MAST3: variants seen among roughly 807,000 people sequenced by gnomAD.
The protein encoded by MAST3 is microtubule-associated serine/threonine-protein kinase 3.
Under a neutral mutation model 127.0 loss-of-function variants are expected in MAST3, and 43 were observed. The ratio of observed to expected loss-of-function variants is 0.34; its 90% CI spans 0.27 to 0.44. The LOEUF is 0.44. Ranked by LOEUF, MAST3 falls within the 20% of genes least tolerant of loss-of-function variation. The pLI, the probability that MAST3 is intolerant of heterozygous loss-of-function variation, is 1.00. For synonymous variants in MAST3, 785 were observed against 809.2 expected, an observed-to-expected ratio of 0.97 and a Z score of 0.51; for missense variants, 1,390 against 1,919.1, an observed-to-expected ratio of 0.72 and a Z score of 5.15.
At chr19:18,116,785 C>T (rs1005303782) in intron 3 of MAST3, among the ~76,000 whole-genome samples, 2 of 119,682 alleles carry the variant, frequency 1.7e-5, no homozygotes, top group Non-Finnish European at 3.6e-5. Flanking sequence ...GGTGGTGCAA[C>T]ACCTGTAATC....
At chr19:18,122,885 C>A in intron 6 of MAST3, 134 bp downstream of exon 6, 3 of 1,004,260 alleles carry the variant, frequency 3.0e-6, no homozygotes, top group South Asian at 1.4e-5. Flanking sequence ...TCCATGCACG[C>A]CCCATTCTGG....
At position 18,112,306 on chromosome 19, in the gene MAST3, C is replaced by T. The variant is rs893774816; in HGVS notation, c.161+1565C>T. 3.3e-5 allele frequency among the ~76,000 whole-genome samples: 5 copies of T among 152,270 alleles called. No individual in the cohort carries two copies. The East Asian group carries it at 5.8e-4, about 18-fold the overall frequency. On this transcript the variant is annotated intron_variant, in intron 3 of 27. Coordinates refer to ENST00000687212, the MANE Select transcript of MAST3 (RefSeq NM_001393504.1). The surrounding 1 kb of genome is among the most constrained non-coding windows in gnomAD (Gnocchi z 4.1). ...GGCTCCGAGTAGCGGAGACTACAGG[C>T]GTGCCACCACGCCCGGCTAATTTTT...
chr19:18,133,720 A>G (rs2041587845), intron 15 of MAST3, among the ~76,000 whole-genome samples: 1 of 151,826 alleles, frequency 6.6e-6, no homozygotes, highest in Non-Finnish European at 1.5e-5. Context: ...CGCCCAGATA[A>G]TTTTTGTATT....
Position 18,131,943 on chromosome 19 carries a change from C to T in MAST3, c.1467C>T (p.Gly489=). 2 of 1,610,258 alleles carry T rather than the reference C, an allele frequency of 1.2e-6. No individual in the cohort carries two copies. Among genetic ancestry groups the T allele is most frequent in the Non-Finnish European group, 8.5e-7 (1 of 1,178,456 alleles). Residue 489 remains glycine, a synonymous_variant, in exon 15 of 28, where the codon GGC becomes GGT. Transcript: ENST00000687212. ...GCGCCACGCTCCTGAAGAACATGGG[C>T]CCGCTGCCCGTGGACATGGCCCGCC... is the stretch of plus-strand genomic sequence containing the variant. ...GDCATLLKNM[G]PLPVDMARLY...
At position 18,139,138 on chromosome 19, in the gene MAST3, C is replaced by T. The variant is rs2042183677; in HGVS notation, c.2205+14C>T. 6.5e-7 allele frequency: 1 copy of T among 1,542,884 alleles called. No homozygotes were observed. The highest frequency in any genetic ancestry group is 8.9e-7 in the Non-Finnish European group (1 of 1,128,396). ...CGGTTCAGCAAGGTGGGCCCGGGTC[C>T]CGAGGGGAGCCACTGCTCAGAAAAC... On this transcript the variant is annotated intron_variant, in intron 20 of 27. Coordinates refer to ENST00000687212, the MANE Select transcript of MAST3 (RefSeq NM_001393504.1).
Position 18,110,506 on chromosome 19 carries a change from C to T in MAST3, c.72-146C>T. On this transcript the variant is annotated intron_variant, in intron 2 of 27. Coordinates refer to ENST00000687212, the MANE Select transcript of MAST3 (RefSeq NM_001393504.1). This position sits in a 1 kb window ranked among gnomAD's most constrained non-coding sequence, Gnocchi z 4.3. ...CCCTCCCGGGCCATCGGTCTGGCCCCGCCCTCACGTCCTGAGCTGAACCCA... is the reference window on the plus strand; with the variant it reads ...CCCTCCCGGGCCATCGGTCTGGCCCTGCCCTCACGTCCTGAGCTGAACCCA... The T allele has an allele frequency of 3.4e-6, 3 of 884,182 alleles. No homozygotes were observed. Among genetic ancestry groups the T allele is most frequent in the Non-Finnish European group, 4.1e-6 (3 of 737,108 alleles). The allele number at this position is 884,182 out of a possible 1,614,324, so 54.8% of individuals were successfully genotyped here.
intron 11 of MAST3, among the ~76,000 whole-genome samples, 165 bp downstream of exon 11, chr19:18,124,939 C>G (rs377734753): frequency 2.2e-5 from 3 of 135,398 alleles, no homozygotes; most frequent in Admixed American, 1.6e-4. Context: ...AAACCCCCCC[C>G]CTACTAAAAA....
chr19:18,145,723 C>A lies in MAST3; in HGVS notation c.3040-20C>A. The stretch of plus-strand genomic sequence containing the variant: ...TGTGGGGCCCAGGCCATTGACCCCA[C>A]CGTTCTCGTCTGCCCCCAGAGTGTG... On this transcript the variant is annotated intron_variant, in intron 24 of 27. Coordinates refer to ENST00000687212, the MANE Select transcript of MAST3 (RefSeq NM_001393504.1). The surrounding 1 kb of genome is among the most constrained non-coding windows in gnomAD (Gnocchi z 5.9). 6.4e-7 allele frequency: 1 copy of A among 1,561,404 alleles called. No individual in the cohort carries two copies.
rs113236632 is a variant in MAST3, at chr19:18,149,714, C to G, written c.4032C>G (p.Thr1344=). The G allele has an allele frequency of 1.2e-6, 2 of 1,612,334 alleles. No individual in the cohort carries two copies. The highest frequency in any genetic ancestry group is 3.3e-5 in the Admixed American group (2 of 59,958). Residue 1344 remains threonine (T), a synonymous_variant, in exon 28 of 28, where the codon ACC becomes ACG. Coordinates refer to ENST00000687212, the MANE Select transcript of MAST3 (RefSeq NM_001393504.1). The surrounding 1 kb of genome is among the most constrained non-coding windows in gnomAD (Gnocchi z 5.9). ...EEAVPVALGP[T]GRD is the part of the protein sequence containing the mutation. ...CCGTGCCAGTAGCTCTCGGGCCCACCGGAAGAGACTGATCCCCTGCCAGGT... is the reference window on the plus strand; with the variant it reads ...CCGTGCCAGTAGCTCTCGGGCCCACGGGAAGAGACTGATCCCCTGCCAGGT...
chr19:18,135,963 T>C (rs2041855761), intron 18 of MAST3, 122 bp downstream of exon 18: 2 of 683,978 alleles, frequency 2.9e-6, no homozygotes, highest in Non-Finnish European at 5.0e-6. Flanking sequence ...GAGGAGGGGG[T>C]TTGCAGCTAG....
intron 5 of MAST3, 34 bp downstream of exon 5, chr19:18,121,956 G>A: frequency 6.2e-7 from 1 of 1,612,292 alleles, no homozygotes; most frequent in Non-Finnish European, 8.5e-7. Context: ...GACAGTGCGG[G>A]CACCACGGGC....
intron 1 of MAST3, among the ~76,000 whole-genome samples, chr19:18,100,877 G>T (rs1244232897): frequency 1.3e-5 from 2 of 152,186 alleles, no homozygotes; most frequent in African/African-American, 4.8e-5. Context: ...ATTCACAAAC[G>T]GGTGCTGACC....
Position 18,145,232 on chromosome 19 carries a change from GA to G in MAST3, c.3039+4del. ...ACACTGTGCACCACGTCGTCTGGGT[GA>G]GTGCCGAGTGGGAATGGCAGGGACC... On this transcript the variant is annotated splice_donor_region_variant and intron_variant, in intron 24 of 27. Coordinates refer to ENST00000687212, the MANE Select transcript of MAST3 (RefSeq NM_001393504.1). The surrounding 1 kb of genome is among the most constrained non-coding windows in gnomAD (Gnocchi z 5.9). 1 of 1,611,514 alleles carries G rather than the reference GA, an allele frequency of 6.2e-7. No homozygotes were observed. The highest frequency in any genetic ancestry group is 8.5e-7 in the Non-Finnish European group (1 of 1,177,818).
chr19:18,098,901 A>G, intron 1 of MAST3: 1 of 410,358 alleles, frequency 2.4e-6, no homozygotes, highest in Non-Finnish European at 4.9e-6. Flanking sequence ...CGGAGTGATC[A>G]GTTGTGATAA....
Position 18,124,347 on chromosome 19 carries a change from C to T in MAST3, c.926C>T (p.Ala309Val). 1 of 1,605,758 alleles carries T rather than the reference C, an allele frequency of 6.2e-7. No individual in the cohort carries two copies. The highest frequency in any genetic ancestry group is 1.1e-5 in the South Asian group (1 of 89,430). ...RKLLIIISRPARLLECLEFDP... is the reference protein window; with the variant it reads ...RKLLIIISRPVRLLECLEFDP... The stretch of plus-strand genomic sequence containing the variant: ...CTGCTGATCATCATCTCACGGCCAG[C>T]TCGGCTGCTGGAGTGTCTGGTAAGT... Residue 309 changes from alanine (A) to valine (V), a missense_variant, in exon 10 of 28, where the codon GCT becomes GTT. Transcript: ENST00000687212.
chr19:18,144,931 T>G lies in MAST3; in HGVS notation c.2813-72T>G. The G allele has an allele frequency of 1.1e-6, 1 of 923,872 alleles. No homozygotes were observed. The highest frequency in any genetic ancestry group is 1.7e-6 in the Non-Finnish European group (1 of 585,062). The allele number at this position is 923,872 out of a possible 1,614,324, so 57.2% of individuals were successfully genotyped here. On this transcript the variant is annotated intron_variant, in intron 23 of 27. Coordinates refer to ENST00000687212, the MANE Select transcript of MAST3 (RefSeq NM_001393504.1). This position sits in a 1 kb window ranked among gnomAD's most constrained non-coding sequence, Gnocchi z 4.0. ...ACAGCAAAGTGGCCAGGGTGGTCGT[T>G]GTGGTGGGAAAGAGGGGGCCCCAGG...
intron 13 of MAST3, among the ~76,000 whole-genome samples, chr19:18,130,201 G>A (rs1162113818): frequency 6.6e-6 from 1 of 152,210 alleles, no homozygotes; most frequent in Non-Finnish European, 1.5e-5. Context: ...GGGCAACAGA[G>A]TGAGGCGCTA....
chr19:18,142,347 CT>C (rs776007010), intron 21 of MAST3, among the ~76,000 whole-genome samples: 3,265 of 122,208 alleles, frequency 0.027, 41 homozygotes, highest in African/African-American at 0.099. Context: ...GGAAGCTGGC[CT>C]TTTTTTTTTT....
chr19:18,145,573 C>T lies in MAST3; in HGVS notation c.3040-170C>T, dbSNP rs535460614. ...ACAGAAGGCTTTCTGGAGAAGGGGGCGTAGGAGCTGGGGCTTTGATGGGTG... is the reference window on the plus strand; with the variant it reads ...ACAGAAGGCTTTCTGGAGAAGGGGGTGTAGGAGCTGGGGCTTTGATGGGTG... On this transcript the variant is annotated intron_variant, in intron 24 of 27. Transcript: ENST00000687212. The surrounding 1 kb of genome is among the most constrained non-coding windows in gnomAD (Gnocchi z 5.9). Among the ~76,000 whole-genome samples the T allele has an allele frequency of 2.0e-5, 3 of 149,280 alleles. No individual in the cohort carries two copies. Among genetic ancestry groups the T allele is most frequent in the East Asian group, 4.0e-4 (2 of 4,954 alleles).
Sources: gnomAD v4.1 joint callset for allele counts (sites outside exome capture counted in the v4.1 genomes callset) on GRCh38, gnomAD v4.1.1 for gene constraint, Gnocchi (gnomAD v3.1) non-coding constraint, MANE v1.5 for transcripts, NCBI Gene and HGNC (gene_info 2026-07-23, HGNC 2026-07-21) for gene names.